Variants in AMER2 observed in about 807,000 individuals in gnomAD.
AMER2 encodes family with sequence similarity 123A.
Under a neutral mutation model 4.7 loss-of-function variants are expected in AMER2, and 1 was observed. The observed-to-expected ratio is 0.21, with a 90% CI of 0.07 to 1.00. AMER2 has a LOEUF of 1.00. Among genes scored for constraint, AMER2 ranks in the 50% least tolerant of loss-of-function variants. AMER2 has a pLI of 0.60. For synonymous variants in AMER2, 485 were observed against 433.3 expected, an observed-to-expected ratio of 1.12 and a Z score of -1.48; for missense variants, 988 against 966.9, an observed-to-expected ratio of 1.02 and a Z score of -0.29.
rs1478130703 is a variant in AMER2, at chr13:25,169,493, G to A, written c.*111C>T. 1.1e-5 allele frequency: 16 copies of A among 1,404,744 alleles called. No homozygotes were observed. The highest frequency in any genetic ancestry group is 1.3e-5 in the Non-Finnish European group (14 of 1,060,470). The allele number at this position is 1,404,744 out of a possible 1,614,324, so 87.0% of individuals were successfully genotyped here. A position where few individuals can be genotyped will look rare whatever the true frequency, so the allele number is the denominator to read the frequency against. On this transcript the variant is annotated 3_prime_UTR_variant, in exon 1 of 1. Coordinates refer to ENST00000515384, the MANE Select transcript of AMER2 (RefSeq NM_152704.4). This position sits in a 1 kb window ranked among gnomAD's most constrained non-coding sequence, Gnocchi z 4.2. The stretch of plus-strand genomic sequence containing the variant: ...CACGCTCTGGAGCAGGGCGGGGGAC[G>A]GGTGGTGTCCTAAAAGACTTTCTTT...
chr13:25,169,456 ACCT>A lies in AMER2; in HGVS notation c.*145_*147del, dbSNP rs967661034. ...TCCGGTCCCTGCTCAGGGCACAAAG[ACCT>A]CCTCGGTCCACGCTCTGGAGCAGGG... On this transcript the variant is annotated 3_prime_UTR_variant, in exon 1 of 1. Transcript: ENST00000515384. This position sits in a 1 kb window ranked among gnomAD's most constrained non-coding sequence, Gnocchi z 4.2. The A allele has an allele frequency of 2.8e-6, 3 of 1,058,582 alleles. No individual in the cohort carries two copies. The African/African-American group carries it at 4.8e-5, about 17-fold the overall frequency. The allele number at this position is 1,058,582 out of a possible 1,614,324, so 65.6% of individuals were successfully genotyped here.
rs1956436238 is a variant in AMER2 at position 25,163,565 on chromosome 13, C to T, written c.*6039G>A. On this transcript the variant is annotated 3_prime_UTR_variant, in exon 1 of 1. Transcript: ENST00000515384. ...ATGGCTAAACTTGGGGGTCGTTATG[C>T]TCAATGAAATAAGCCAGTCACAGAA... 6.6e-6 allele frequency: 1 copy of T among 151,546 alleles called. No homozygotes were observed. Among genetic ancestry groups the T allele is most frequent in the Non-Finnish European group, 1.5e-5 (1 of 67,932 alleles). The allele number at this position is 151,546 out of a possible 1,614,324, so 9.4% of individuals were successfully genotyped here.
chr13:25,162,474 C>T lies in AMER2; in HGVS notation c.*7130G>A, dbSNP rs1956420084. The T allele has an allele frequency of 6.6e-6, 1 of 152,302 alleles. No individual in the cohort carries two copies. Among genetic ancestry groups the T allele is most frequent in the South Asian group, 2.1e-4 (1 of 4,828 alleles). 9.4% of individuals were successfully genotyped at this position (152,302 alleles called of 1,614,324 possible). On this transcript the variant is annotated 3_prime_UTR_variant, in exon 1 of 1. Transcript: ENST00000515384. ...GAAGCAATGAAAATGTTAAATATTA[C>T]TTTGCTAGAGTTTCTCCTCCTTTAT...
rs1361138733 is a variant in AMER2 at position 25,170,936 on chromosome 13, G to A, written c.684C>T (p.Gly228=). 8 of 1,501,508 alleles carry A rather than the reference G, an allele frequency of 5.3e-6. No individual in the cohort carries two copies. Among genetic ancestry groups the A allele is most frequent in the Non-Finnish European group, 7.1e-6 (8 of 1,130,646 alleles). 93.0% of individuals were successfully genotyped at this position (1,501,508 alleles called of 1,614,324 possible). A position where few individuals can be genotyped will look rare whatever the true frequency, so the allele number is the denominator to read the frequency against. The change falls in exon 1 of 1, where the codon GGC becomes GGT. Residue 228 remains glycine, a synonymous_variant. Coordinates refer to ENST00000515384, the MANE Select transcript of AMER2 (RefSeq NM_152704.4). The surrounding 1 kb of genome is among the most constrained non-coding windows in gnomAD (Gnocchi z 7.3). The part of the protein sequence containing the change: ...RAPGGGLILP[G]SLTASLECVK... ...CGCACTCCAGGCTGGCGGTGAGCGA[G>A]CCGGGTAGGATCAAGCCGCCCCCGG...
In AMER2 at chr13:25,170,559, G is replaced by A; in HGVS notation, c.1061C>T (p.Pro354Leu). ...AATACGATCTGCCGACGGGTCTGAG[G>A]GTGGATCGACAGAGGCAGGGTCTGG... ...AAPDPASVDP[P>L]SDPSADRICL... The change falls in exon 1 of 1, where the codon CCC (proline) becomes CTC (leucine). Residue 354 changes from proline to leucine, a missense_variant. Physicochemically the swap from Pro to Leu is moderately conservative, Grantham distance 98. Transcript: ENST00000515384. This position sits in a 1 kb window ranked among gnomAD's most constrained non-coding sequence, Gnocchi z 7.3. The A allele has an allele frequency of 6.2e-7, 1 of 1,612,654 alleles. No individual in the cohort carries two copies. The highest frequency in any genetic ancestry group is 8.5e-7 in the Non-Finnish European group (1 of 1,179,256).
In AMER2 at chr13:25,171,545, G is replaced by C; in HGVS notation, c.75C>G (p.Val25=). ...ERGGAGASVG[V]CRRKAEAGAG... is the part of the protein sequence containing the mutation. ...CCCCGGCCTCCGCCTTCCTCCTGCA[G>C]ACCCCCACGGACGCGCCAGCTCCGC... Residue 25 remains valine, a synonymous_variant, in exon 1 of 1, where the codon GTC becomes GTG. Transcript: ENST00000515384. The surrounding 1 kb of genome is among the most constrained non-coding windows in gnomAD (Gnocchi z 5.9). 6.3e-7 allele frequency: 1 copy of C among 1,579,692 alleles called. No individual in the cohort carries two copies. Among genetic ancestry groups the C allele is most frequent in the Non-Finnish European group, 8.5e-7 (1 of 1,170,562 alleles).
rs1373905039 is a variant in AMER2, at chr13:25,166,935, T to C, written c.*2669A>G. On this transcript the variant is annotated 3_prime_UTR_variant, in exon 1 of 1. Coordinates refer to ENST00000515384, the MANE Select transcript of AMER2 (RefSeq NM_152704.4). ...TTCATTGCCCAAATCCTTTATTTGA[T>C]TGGTGTGGGTGCAATTCTTAAAAAA... The C allele has an allele frequency of 1.3e-5, 2 of 152,146 alleles. No homozygotes were observed. The highest frequency in any genetic ancestry group is 3.8e-4 in the East Asian group (2 of 5,198). The allele number at this position is 152,146 out of a possible 1,614,324, so 9.4% of individuals were successfully genotyped here.
Position 25,169,328 on chromosome 13 carries a change from A to G in AMER2, c.*276T>C. 1 of 334,954 alleles carries G rather than the reference A, an allele frequency of 3.0e-6. No individual in the cohort carries two copies. The highest frequency in any genetic ancestry group is 5.4e-6 in the Non-Finnish European group (1 of 185,950). The allele number at this position is 334,954 out of a possible 1,614,324, so 20.7% of individuals were successfully genotyped here. ...TGTTCAGTATATTAAAGCAAAAGGA[A>G]GAAAAACTTAAAGGTAAAAAAGAAA... On this transcript the variant is annotated 3_prime_UTR_variant, in exon 1 of 1. Coordinates refer to ENST00000515384, the MANE Select transcript of AMER2 (RefSeq NM_152704.4). The surrounding 1 kb of genome is among the most constrained non-coding windows in gnomAD (Gnocchi z 4.2).
Position 25,169,857 on chromosome 13 carries a change from G to C in AMER2, c.1763C>G (p.Ser588Cys), listed in dbSNP as rs760862983. The C allele has an allele frequency of 1.9e-6, 3 of 1,614,186 alleles. No individual in the cohort carries two copies. The Admixed American group carries it at 5.0e-5, about 27-fold the overall frequency. The change falls in exon 1 of 1, where the codon TCT becomes TGT. Residue 588 changes from serine (S) to cysteine (C), a missense_variant. Transcript: ENST00000515384. The surrounding 1 kb of genome is among the most constrained non-coding windows in gnomAD (Gnocchi z 4.2). ...TSSLSRLKPV[S>C]PGTITCPLRT... ...CAGTGGACAGGTGATGGTGCCTGGA[G>C]ATACGGGCTTTAACCGGGACAGGGA...
At position 25,169,667 on chromosome 13, in the gene AMER2, G is replaced by A. The variant is rs1340629395; in HGVS notation, c.1953C>T (p.Asn651=). The A allele has an allele frequency of 6.2e-7, 1 of 1,613,404 alleles. No individual in the cohort carries two copies. Among genetic ancestry groups the A allele is most frequent in the Non-Finnish European group, 8.5e-7 (1 of 1,179,704 alleles). The part of the protein sequence containing the change: ...VSKVLVRRVS[N]RGLAGTTIRA... The stretch of plus-strand genomic sequence containing the variant: ...TGATGGTGGTCCCAGCCAAGCCCCG[G>A]TTGCTGACTCTGCGGACCAGCACTT... Residue 651 remains asparagine (N), a synonymous_variant, in exon 1 of 1, where the codon AAC becomes AAT. Transcript: ENST00000515384. This position sits in a 1 kb window ranked among gnomAD's most constrained non-coding sequence, Gnocchi z 4.2.
chr13:25,170,968 GC>G lies in AMER2; in HGVS notation c.651del (p.Arg218AlafsTer7). 6.5e-7 allele frequency: 1 copy of G among 1,543,382 alleles called. No individual in the cohort carries two copies. Among genetic ancestry groups the G allele is most frequent in the East Asian group, 2.7e-5 (1 of 37,598 alleles). On this transcript the variant is annotated frameshift_variant, in exon 1 of 1. Transcript: ENST00000515384. LOFTEE classifies it low-confidence loss of function (END_TRUNC). The surrounding 1 kb of genome is among the most constrained non-coding windows in gnomAD (Gnocchi z 7.3). ...DKRAKAEAAEGRAPGGGLILP... is the reference protein window; with the variant it reads ...DKRAKAEAAEXRAPGGGLILP... ...AGGATCAAGCCGCCCCCGGGCGCGC[GC>G]CCCTCCGCGGCCTCCGCCTTGGCCC...
Sources: gnomAD v4.1 joint callset for allele counts on GRCh38, gnomAD v4.1.1 for gene constraint, Gnocchi (gnomAD v3.1) non-coding constraint, MANE v1.5 for transcripts, NCBI Gene and HGNC (gene_info 2026-07-23, HGNC 2026-07-21) for gene names.